CACNA1A: variants seen among roughly 807,000 people sequenced by gnomAD.
The protein encoded by CACNA1A is voltage-dependent P/Q-type calcium channel subunit alpha-1A.
CACNA1A carries 57 observed loss-of-function variants against 262.4 expected under a neutral mutation model. That is an observed-to-expected ratio of 0.22 (90% CI 0.18 to 0.27). The LOEUF is 0.27. Ranked by LOEUF, CACNA1A falls within the 10% of genes least tolerant of loss-of-function variation. The pLI is 1.00. For missense variants in CACNA1A, 2,526 were observed against 3,562.8 expected, an observed-to-expected ratio of 0.71 and a Z score of 7.41; for synonymous variants, 1,431 against 1,419.3, an observed-to-expected ratio of 1.01 and a Z score of -0.18.
At chr19:13,252,867 G>A in intron 30 of CACNA1A, 124 bp downstream of exon 30, 1 of 596,910 alleles carries the variant, frequency 1.7e-6, no homozygotes, top group Non-Finnish European at 3.0e-6. Context: ...CCACTGGCAG[G>A]ATACTGAAGC....
In CACNA1A at chr19:13,254,049, G is replaced by A. The variant is rs147592811; in HGVS notation, c.4756-948C>T. Among the ~76,000 whole-genome samples the A allele has an allele frequency of 4.3e-4, 65 of 152,234 alleles. No homozygotes were observed. In the East Asian group the frequency reaches 9.7e-3, roughly 23 times the overall value. The stretch of plus-strand genomic sequence containing the variant: ...CCACCTTGCCCGGCCACTATTGATC[G>A]TTTTTGAAGTGCCGAGAAGGAGCTA... On this transcript the variant is annotated intron_variant, in intron 29 of 46. Coordinates refer to ENST00000360228, the MANE Select transcript of CACNA1A (RefSeq NM_001127222.2).
intron 1 of CACNA1A, among the ~76,000 whole-genome samples, chr19:13,473,343 G>T (rs187143744): frequency 7.9e-5 from 12 of 152,120 alleles, no homozygotes; most frequent in Middle Eastern, 3.4e-3. Context: ...AGACTGCAGT[G>T]ATGCAGCCAC....
intron 3 of CACNA1A, among the ~76,000 whole-genome samples, chr19:13,407,786 T>C (rs2060037806): frequency 6.6e-6 from 1 of 152,118 alleles, no homozygotes; most frequent in Non-Finnish European, 1.5e-5. Context: ...AGCTCAGGAG[T>C]TAGAGACCAG....
Position 13,212,367 on chromosome 19 carries a change from T to C in CACNA1A, c.6189+17A>G, listed in dbSNP as rs966230066. On this transcript the variant is annotated intron_variant, in intron 42 of 46. Transcript: ENST00000360228. This position sits in a 1 kb window ranked among gnomAD's most constrained non-coding sequence, Gnocchi z 5.6. ...CCGGGCCCTGGGAGCCATTGGGGAG[T>C]TGGGGGACAGAGGCACCTGAGAGTT... 5.0e-6 allele frequency: 8 copies of C among 1,612,840 alleles called. No homozygotes were observed. Among genetic ancestry groups the C allele is most frequent in the Admixed American group, 1.7e-5 (1 of 59,846 alleles).
chr19:13,396,103 C>T (rs1216351680), intron 3 of CACNA1A, among the ~76,000 whole-genome samples: 1 of 152,212 alleles, frequency 6.6e-6, no homozygotes, highest in African/African-American at 2.4e-5. Flanking sequence ...GCCTTTTCTC[C>T]AATTAATATG....
At chr19:13,235,527 A>C in intron 32 of CACNA1A, 87 bp downstream of exon 32, 1 of 942,014 alleles carries the variant, frequency 1.1e-6, no homozygotes. Context: ...TCACAGAGGC[A>C]CTTCCAATCT....
intron 28 of CACNA1A, 31 bp from the exon 29 acceptor site, chr19:13,255,290 C>A: frequency 1.3e-6 from 2 of 1,551,662 alleles, no homozygotes; most frequent in South Asian, 1.2e-5. Flanking sequence ...GTGAGAGCGG[C>A]AGAGGCAGGA....
chr19:13,500,404 C>A (rs1381713814), intron 1 of CACNA1A, among the ~76,000 whole-genome samples: 1 of 152,184 alleles, frequency 6.6e-6, no homozygotes, highest in African/African-American at 2.4e-5. Flanking sequence ...CCTTCTTTCT[C>A]TCTCTCTAGT....
At chr19:13,387,117 AATTTTTGT>A (rs1271617139) in intron 3 of CACNA1A, among the ~76,000 whole-genome samples, 3 of 151,864 alleles carry the variant, frequency 2.0e-5, no homozygotes, top group Admixed American at 1.3e-4. Flanking sequence ...ACGCCTGGCT[AATTTTTGT>A]ATTTTTAGTA....
intron 10 of CACNA1A, among the ~76,000 whole-genome samples, chr19:13,326,068 C>A (rs1381225111): frequency 1.3e-5 from 2 of 152,088 alleles, no homozygotes; most frequent in African/African-American, 4.8e-5. Flanking sequence ...GTAATCCCAG[C>A]ACTTTCGGAG....
In CACNA1A at chr19:13,207,557, C is replaced by A; in HGVS notation, c.7277G>T (p.Gly2426Val). The change falls in exon 47 of 47, where the codon GGC becomes GTC. Residue 2426 changes from glycine to valine, a missense_variant. Physicochemically the swap from Gly to Val is moderately radical, Grantham distance 109. Around this residue, in one of 17 missense-constraint regions of CACNA1A, gnomAD observed 929 missense variants for 868.1 expected, o/e 1.07. Transcript: ENST00000360228. This position sits in a 1 kb window ranked among gnomAD's most constrained non-coding sequence, Gnocchi z 5.7. ...GTAGGCCCCGGCCATGGCCTCCTCGCCGCCCCCGCTGCCCGGGCCATCGGC... is the reference window on the plus strand; with the variant it reads ...GTAGGCCCCGGCCATGGCCTCCTCGACGCCCCCGCTGCCCGGGCCATCGGC... Reference protein sequence around the residue: ...DEADGPGSGGGEEAMAGAYDA... With the variant: ...DEADGPGSGGVEEAMAGAYDA... 1 of 1,464,726 alleles carries A rather than the reference C, an allele frequency of 6.8e-7. No homozygotes were observed. Among genetic ancestry groups the A allele is most frequent in the East Asian group, 3.0e-5 (1 of 32,988 alleles). The allele number at this position is 1,464,726 out of a possible 1,614,324, so 90.7% of individuals were successfully genotyped here. A position where few individuals can be genotyped will look rare whatever the true frequency, so the allele number is the denominator to read the frequency against.
chr19:13,460,422 C>A (rs2061099383), intron 1 of CACNA1A, among the ~76,000 whole-genome samples: 1 of 152,160 alleles, frequency 6.6e-6, no homozygotes, highest in Non-Finnish European at 1.5e-5. Context: ...TGGGTACCAG[C>A]CTTCTGCTCC....
intron 10 of CACNA1A, among the ~76,000 whole-genome samples, chr19:13,325,789 G>A (rs998320917): frequency 6.6e-6 from 1 of 152,150 alleles, no homozygotes; most frequent in East Asian, 1.9e-4. Flanking sequence ...GATACAGGCT[G>A]TATCTATTTA....
At chr19:13,354,477 G>A (rs1019132626) in intron 6 of CACNA1A, among the ~76,000 whole-genome samples, 1 of 152,182 alleles carries the variant, frequency 6.6e-6, no homozygotes, top group Non-Finnish European at 1.5e-5. Context: ...GTGCTCCAAC[G>A]TAGCAGCTGT....
intron 6 of CACNA1A, among the ~76,000 whole-genome samples, chr19:13,354,346 G>A (rs1044227332): frequency 2.6e-5 from 4 of 152,190 alleles, no homozygotes; most frequent in Non-Finnish European, 4.4e-5. Context: ...CAGTCATGGA[G>A]GACAAAGATT....
At chr19:13,240,395 TAGTGACTGTGTGC>T (rs1360943204) in intron 31 of CACNA1A, among the ~76,000 whole-genome samples, 2 of 148,782 alleles carry the variant, frequency 1.3e-5, no homozygotes, top group African/African-American at 5.0e-5. Flanking sequence ...TGTGTGTGCA[TAGTGACTGTGTGC>T]AGTGACTGTG....
intron 4 of CACNA1A, among the ~76,000 whole-genome samples, chr19:13,368,829 G>A (rs2059265795): frequency 1.5e-5 from 2 of 130,414 alleles, no homozygotes; most frequent in South Asian, 4.2e-4. Context: ...ACGAGGTCAG[G>A]AGATCGAGAC....
At position 13,207,460 on chromosome 19, in the gene CACNA1A, C is replaced by G; in HGVS notation, c.7374G>C (p.Ser2458=). 3 of 1,497,808 alleles carry G rather than the reference C, an allele frequency of 2.0e-6. No individual in the cohort carries two copies. The highest frequency in any genetic ancestry group is 2.7e-6 in the Non-Finnish European group (3 of 1,126,920). 92.8% of individuals were successfully genotyped at this position (1,497,808 alleles called of 1,614,324 possible). A position where few individuals can be genotyped will look rare whatever the true frequency, so the allele number is the denominator to read the frequency against. ...GAGAAGGCGAGGCGCAGGCCGGGCCCGAGGCCCGGGGAGTCCTGGGCGAGC... is the reference window on the plus strand; with the variant it reads ...GAGAAGGCGAGGCGCAGGCCGGGCCGGAGGCCCGGGGAGTCCTGGGCGAGC... ...TGRSPRTPRA[S]GPACASPSRH... The change falls in exon 47 of 47, where the codon TCG becomes TCC. Residue 2458 remains serine (S), a synonymous_variant. Transcript: ENST00000360228. This position sits in a 1 kb window ranked among gnomAD's most constrained non-coding sequence, Gnocchi z 5.7.
chr19:13,430,204 AAT>A (rs371009661), intron 3 of CACNA1A, among the ~76,000 whole-genome samples: 31 of 86,204 alleles, frequency 3.6e-4, no homozygotes, highest in Middle Eastern at 6.0e-3. Context: ...ACCACAATGA[AAT>A]ATATATATAT....
Sources: gnomAD v4.1 joint callset for allele counts (sites outside exome capture counted in the v4.1 genomes callset) on GRCh38, gnomAD v4.1.1 for gene constraint, gnomAD v4.1.1 regional missense constraint, Gnocchi (gnomAD v3.1) non-coding constraint, MANE v1.5 for transcripts, NCBI Gene and HGNC (gene_info 2026-07-23, HGNC 2026-07-21) for gene names.